The following KAZN variants were observed in gnomAD, a reference collection of about 807,000 sequenced individuals.
KAZN encodes the protein kazrin, periplakin interacting protein.
Under a neutral mutation model 87.4 loss-of-function variants are expected in KAZN, and 40 were observed. The observed-to-expected ratio is 0.46, with a 90% CI of 0.36 to 0.60. The LOEUF (loss-of-function observed/expected upper bound fraction) is 0.60. Ranked by LOEUF, KAZN falls within the 20% of genes least tolerant of loss-of-function variation. The pLI is 0.00. For missense variants in KAZN, 898 were observed against 1,073.9 expected, an observed-to-expected ratio of 0.84 and a Z score of 2.29; for synonymous variants, 466 against 458.3, an observed-to-expected ratio of 1.02 and a Z score of -0.22.
chr1:14,063,866 A>G (rs1427536108), intron 1 of KAZN, among the ~76,000 whole-genome samples: 3 of 152,184 alleles, frequency 2.0e-5, no homozygotes, highest in South Asian at 2.1e-4. Context: ...CTGCCATCAT[A>G]TAAGACGTCA....
At chr1:14,851,774 A>G (rs1440140635) in intron 1 of KAZN, among the ~76,000 whole-genome samples, 1 of 152,130 alleles carries the variant, frequency 6.6e-6, no homozygotes, top group Non-Finnish European at 1.5e-5. Flanking sequence ...CAATACATAG[A>G]CATGCTTAAG....
chr1:15,110,273 G>C (rs1337691736), intron 13 of KAZN, among the ~76,000 whole-genome samples: 1 of 129,332 alleles, frequency 7.7e-6, no homozygotes, highest in East Asian at 2.5e-4. Flanking sequence ...GTGTGTATAT[G>C]TGTGTATGTT....
At chr1:13,993,389 TA>T (rs1431620791) in intron 1 of KAZN, among the ~76,000 whole-genome samples, 3 of 151,516 alleles carry the variant, frequency 2.0e-5, no homozygotes, top group Non-Finnish European at 2.9e-5. Context: ...GAGCATAACT[TA>T]AAAAAAAGGC....
intron 1 of KAZN, among the ~76,000 whole-genome samples, chr1:14,900,883 C>T (rs1572772531): frequency 6.6e-6 from 1 of 152,198 alleles, no homozygotes; most frequent in East Asian, 1.9e-4. Context: ...TCTCCTTACC[C>T]AGATCCCTGT....
chr1:15,113,442 A>T (rs1035449371), intron 14 of KAZN: 1 of 152,186 alleles, frequency 6.6e-6, no homozygotes, highest in Non-Finnish European at 1.5e-5. Context: ...GAGCAATAAT[A>T]ATAATAAAAA....
chr1:14,847,845 TG>T (rs1348969773), intron 1 of KAZN, among the ~76,000 whole-genome samples: 4 of 152,090 alleles, frequency 2.6e-5, no homozygotes, highest in African/African-American at 9.7e-5. Context: ...TAGCCAGGCG[TG>T]ATGGCCACCT....
chr1:14,404,188 C>T (rs888116091), intron 2 of KAZN, among the ~76,000 whole-genome samples: 2 of 152,128 alleles, frequency 1.3e-5, no homozygotes, highest in Non-Finnish European at 2.9e-5. Flanking sequence ...CGCTGTATTA[C>T]CTGCTTTTAC....
intron 1 of KAZN, among the ~76,000 whole-genome samples, chr1:13,969,497 C>A (rs1379582788): frequency 6.6e-6 from 1 of 152,184 alleles, no homozygotes; most frequent in Non-Finnish European, 1.5e-5. Context: ...AAGTGAGAGG[C>A]ATGAAACAGA....
chr1:15,103,273 A>G (rs1641150122), intron 11 of KAZN, 86 bp from the exon 12 acceptor site: 1 of 940,568 alleles, frequency 1.1e-6, no homozygotes, highest in East Asian at 2.7e-5. Flanking sequence ...TCTCGGGGGG[A>G]AAAAGAGATG....
At chr1:14,097,439 A>G (rs1355902261) in intron 1 of KAZN, among the ~76,000 whole-genome samples, 1 of 152,224 alleles carries the variant, frequency 6.6e-6, no homozygotes, top group East Asian at 1.9e-4. Flanking sequence ...CTGGAGCTAC[A>G]GTAGCCACAC....
intron 2 of KAZN, among the ~76,000 whole-genome samples, chr1:14,180,952 A>G (rs1646184688): frequency 6.6e-6 from 1 of 152,144 alleles, no homozygotes; most frequent in South Asian, 2.1e-4. Context: ...AAACAGCATA[A>G]GTAACTAATG....
intron 2 of KAZN, among the ~76,000 whole-genome samples, chr1:14,482,891 A>T (rs1460924539): frequency 6.6e-6 from 1 of 152,166 alleles, no homozygotes. Context: ...CTGGACTTAC[A>T]TTACTTACTA....
intron 1 of KAZN, among the ~76,000 whole-genome samples, chr1:14,614,546 T>C (rs1235939232): frequency 6.6e-6 from 1 of 152,200 alleles, no homozygotes; most frequent in Non-Finnish European, 1.5e-5. Flanking sequence ...GGTGACCATC[T>C]GCTGGGCCTG....
intron 1 of KAZN, among the ~76,000 whole-genome samples, chr1:14,158,414 T>C (rs138289285): frequency 1.6e-3 from 240 of 152,284 alleles, no homozygotes; most frequent in African/African-American, 5.3e-3. Flanking sequence ...TTTTTCAGTA[T>C]GCCAATTGCA....
chr1:14,562,463 T>C (rs1674315910), intron 2 of KAZN, among the ~76,000 whole-genome samples: 1 of 152,202 alleles, frequency 6.6e-6, no homozygotes, highest in Non-Finnish European at 1.5e-5. Context: ...CCATAGTCTC[T>C]TCAAGGTAGT....
intron 2 of KAZN, among the ~76,000 whole-genome samples, chr1:14,485,322 C>T (rs1425229284): frequency 6.6e-6 from 1 of 152,160 alleles, no homozygotes; most frequent in Non-Finnish European, 1.5e-5. Context: ...CTAGTGCCAC[C>T]CACTTTGAAT....
intron 1 of KAZN, among the ~76,000 whole-genome samples, chr1:13,934,193 CCTCT>C (rs1188559145): frequency 1.3e-5 from 2 of 152,170 alleles, no homozygotes; most frequent in Non-Finnish European, 2.9e-5. Flanking sequence ...GCAACTGCTG[CCTCT>C]CTCTGCCAGA....
chr1:14,415,169 T>C (rs1031841193), intron 2 of KAZN, among the ~76,000 whole-genome samples: 4 of 152,186 alleles, frequency 2.6e-5, no homozygotes, highest in Non-Finnish European at 4.4e-5. Context: ...CGATGATGGA[T>C]CTAGTGTCAG....
At chr1:14,569,636 T>C (rs1462723608) in intron 2 of KAZN, among the ~76,000 whole-genome samples, 1 of 152,018 alleles carries the variant, frequency 6.6e-6, no homozygotes, top group Non-Finnish European at 1.5e-5. Flanking sequence ...CCTCTACTTT[T>C]TTAATGGAAA....
Sources: gnomAD v4.1 joint callset for allele counts (sites outside exome capture counted in the v4.1 genomes callset) on GRCh38, gnomAD v4.1.1 for gene constraint, MANE v1.5 for transcripts, NCBI Gene and HGNC (gene_info 2026-07-23, HGNC 2026-07-21) for gene names.